GK5: variants seen among roughly 807,000 people sequenced by gnomAD.
GK5 encodes the protein glycerol kinase 5, also known as ATP:glycerol 3-phosphotransferase 5.
In GK5, 39 loss-of-function variants were observed where a neutral mutation model predicts 77.3. That is an observed-to-expected ratio of 0.50 (90% CI 0.39 to 0.66). The LOEUF (loss-of-function observed/expected upper bound fraction) is 0.66, where lower values mean the gene tolerates loss of function less well. GK5 is among the 30% of genes least tolerant of loss of function. The pLI, the probability that GK5 is intolerant of heterozygous loss-of-function variation, is 0.00. For missense variants in GK5, 487 were observed against 633.8 expected (o/e 0.77, Z 2.49); for synonymous variants, 211 against 208.0 (o/e 1.01, Z -0.13).
intron 3 of GK5, among the ~76,000 whole-genome samples, chr3:142,208,143 G>A (rs2064137700): frequency 6.6e-6 from 1 of 151,890 alleles, no homozygotes; most frequent in South Asian, 2.1e-4. Flanking sequence ...AATGCAAATT[G>A]CACATTATGT....
chr3:142,225,537 G>GCCCAACCCGGGC lies in GK5; in HGVS notation c.-94_-83dup, dbSNP rs1278973973. 3.0e-5 allele frequency: 45 copies of GCCCAACCCGGGC among 1,498,644 alleles called. No homozygotes were observed. Among genetic ancestry groups the GCCCAACCCGGGC allele is most frequent in the South Asian group, 4.9e-5 (4 of 81,236 alleles). 92.8% of individuals were successfully genotyped at this position (1,498,644 alleles called of 1,614,324 possible). On this transcript the variant is annotated 5_prime_UTR_variant, in exon 1 of 16. Coordinates refer to ENST00000392993, the MANE Select transcript of GK5 (RefSeq NM_001039547.3). ...CCCAATGCTCCAGAGTCCCCGGGCG[G>GCCCAACCCGGGC]CCCAACCCGGGCCCCAACCCGGCTC... is the stretch of plus-strand genomic sequence containing the variant.
At chr3:142,181,340 A>G (rs745907154) in intron 11 of GK5, 121 bp downstream of exon 11, 26 of 539,316 alleles carry the variant, frequency 4.8e-5, no homozygotes, top group Admixed American at 1.5e-4. Context: ...CTTTTAATAG[A>G]TGTCATTTTA....
chr3:142,199,370 C>T (rs2063984673), intron 4 of GK5, among the ~76,000 whole-genome samples: 1 of 152,012 alleles, frequency 6.6e-6, no homozygotes, highest in African/African-American at 2.4e-5. Flanking sequence ...AGCATTAATT[C>T]ACTACTATTC....
rs2064411974 is a variant in GK5 at position 142,225,295 on chromosome 3, C to A, written c.147+14G>T. On this transcript the variant is annotated intron_variant, in intron 1 of 15. Coordinates refer to ENST00000392993, the MANE Select transcript of GK5 (RefSeq NM_001039547.3). ...CCCAGTCAGACCCGCGCCCCACGCC[C>A]GCCCCCAAGTCACCTTCTGCACGCT... The A allele has an allele frequency of 6.5e-7, 1 of 1,528,454 alleles. No homozygotes were observed. The highest frequency in any genetic ancestry group is 1.2e-5 in the South Asian group (1 of 81,612). 94.7% of individuals were successfully genotyped at this position (1,528,454 alleles called of 1,614,324 possible).
chr3:142,212,352 G>A (rs1324654751), intron 3 of GK5, among the ~76,000 whole-genome samples: 4 of 151,914 alleles, frequency 2.6e-5, no homozygotes, highest in African/African-American at 9.7e-5. Flanking sequence ...TTGGCAATAT[G>A]GTGAAACCCC....
At chr3:142,203,098 G>T (rs2064051628) in intron 4 of GK5, among the ~76,000 whole-genome samples, 2 of 151,750 alleles carry the variant, frequency 1.3e-5, no homozygotes, top group Admixed American at 1.3e-4. Flanking sequence ...ATATATTAAG[G>T]TATAAAATTA....
intron 12 of GK5, among the ~76,000 whole-genome samples, chr3:142,176,190 A>T (rs936137896): frequency 6.6e-6 from 1 of 152,142 alleles, no homozygotes; most frequent in Non-Finnish European, 1.5e-5. Flanking sequence ...TATTGAAATA[A>T]TGCTCATTTT....
intron 1 of GK5, among the ~76,000 whole-genome samples, chr3:142,220,299 C>T (rs976922922): frequency 1.3e-5 from 2 of 152,160 alleles, no homozygotes; most frequent in Non-Finnish European, 2.9e-5. Context: ...CCACGCCTGG[C>T]TAATTTTTTG....
chr3:142,204,820 A>G (rs766390098), intron 3 of GK5, 32 bp from the exon 4 acceptor site: 1 of 1,181,318 alleles, frequency 8.5e-7, no homozygotes, highest in Admixed American at 2.1e-5. Flanking sequence ...TTTGAGACCC[A>G]GCATAAATCA....
intron 3 of GK5, among the ~76,000 whole-genome samples, chr3:142,211,133 T>C (rs761423499): frequency 1.3e-5 from 2 of 152,260 alleles, no homozygotes; most frequent in East Asian, 3.8e-4. Flanking sequence ...AAATTGGGGA[T>C]GTCCCCAGGG....
chr3:142,214,229 T>G (rs994777810), intron 2 of GK5, among the ~76,000 whole-genome samples: 2 of 152,296 alleles, frequency 1.3e-5, no homozygotes, highest in Middle Eastern at 3.4e-3. Flanking sequence ...TTGGTAATAA[T>G]AAGATTGGAT....
chr3:142,173,556 C>A (rs530856179), intron 12 of GK5, among the ~76,000 whole-genome samples: 18 of 151,984 alleles, frequency 1.2e-4, no homozygotes, highest in Non-Finnish European at 2.2e-4. Flanking sequence ...TGGTGGCGGG[C>A]GCCTGTAGTC....
At chr3:142,185,038 C>T in intron 9 of GK5, 1 of 985,404 alleles carries the variant, frequency 1.0e-6, no homozygotes, top group Non-Finnish European at 1.2e-6. Context: ...ACTGTGGAGA[C>T]TGCACATCTT....
Position 142,190,063 on chromosome 3 carries a change from T to C in GK5, c.544-2284A>G, listed in dbSNP as rs1037714339. 2.0e-5 allele frequency among the ~76,000 whole-genome samples: 3 copies of C among 152,162 alleles called. No individual in the cohort carries two copies. In the East Asian group the frequency reaches 5.8e-4, roughly 29 times the overall value. The stretch of plus-strand genomic sequence containing the variant: ...TGATGGAATTCACAGTCGTGGACTT[T>C]AAAATAAACATGCTAATTATATGGG... On this transcript the variant is annotated intron_variant, in intron 5 of 15. Coordinates refer to ENST00000392993, the MANE Select transcript of GK5 (RefSeq NM_001039547.3).
At chr3:142,182,860 A>C in intron 10 of GK5, 63 bp downstream of exon 10, 1 of 1,168,608 alleles carries the variant, frequency 8.6e-7, no homozygotes, top group Non-Finnish European at 1.2e-6. Flanking sequence ...TAAGTATCAC[A>C]GAAGTTAAAT....
intron 5 of GK5, among the ~76,000 whole-genome samples, chr3:142,196,575 C>T (rs929730192): frequency 3.9e-5 from 6 of 151,936 alleles, no homozygotes; most frequent in Non-Finnish European, 7.4e-5. Flanking sequence ...TCCTTGGACC[C>T]TTTGGTTATT....
intron 5 of GK5, among the ~76,000 whole-genome samples, chr3:142,197,236 T>C (rs548370922): frequency 8.8e-4 from 134 of 152,260 alleles, no homozygotes; most frequent in African/African-American, 3.0e-3. Flanking sequence ...TCTCCAACTA[T>C]CACTGCTCAA....
At chr3:142,185,893 A>C (rs2063763563) in intron 9 of GK5, 36 bp downstream of exon 9, 2 of 1,571,144 alleles carry the variant, frequency 1.3e-6, no homozygotes, top group South Asian at 1.2e-5. Flanking sequence ...TTTAGTTTAT[A>C]CTATACAAAG....
At chr3:142,197,548 CT>C (rs1446695791) in intron 5 of GK5, among the ~76,000 whole-genome samples, 1 of 152,046 alleles carries the variant, frequency 6.6e-6, no homozygotes, top group Non-Finnish European at 1.5e-5. Flanking sequence ...ATAGTTAGAT[CT>C]TGTTTTTTTA....
Sources: gnomAD v4.1 joint callset for allele counts (sites outside exome capture counted in the v4.1 genomes callset) on GRCh38, gnomAD v4.1.1 for gene constraint, MANE v1.5 for transcripts, NCBI Gene and HGNC (gene_info 2026-07-23, HGNC 2026-07-21) for gene names.